MYOCD: variants seen among roughly 807,000 people sequenced by gnomAD.
The protein encoded by MYOCD is myocardin.
A neutral mutation model predicts 96.1 loss-of-function variants in MYOCD; 32 were observed. That is an observed-to-expected ratio of 0.33 (90% CI 0.25 to 0.45). The LOEUF (loss-of-function observed/expected upper bound fraction) is 0.45. MYOCD is among the 20% of genes least tolerant of loss of function. The probability of loss-of-function intolerance (pLI) is 1.00; values close to 1 mark genes in which losing one functional copy is unlikely to be tolerated. For missense variants in MYOCD, 1,133 were observed against 1,200.6 expected, an observed-to-expected ratio of 0.94 and a Z score of 0.83; for synonymous variants, 469 against 469.0, an observed-to-expected ratio of 1.00 and a Z score of 0.00.
intron 5 of MYOCD, among the ~76,000 whole-genome samples, chr17:12,726,277 C>T (rs1234118772): frequency 6.6e-6 from 1 of 152,140 alleles, no homozygotes; most frequent in Admixed American, 6.6e-5. Flanking sequence ...CCTGTCACTA[C>T]TCAACTCTGA....
At chr17:12,711,449 G>A (rs1401525140) in intron 2 of MYOCD, among the ~76,000 whole-genome samples, 3 of 152,144 alleles carry the variant, frequency 2.0e-5, no homozygotes, top group African/African-American at 7.2e-5. Flanking sequence ...TGTCTTCCCT[G>A]TCCACCTAAA....
intron 12 of MYOCD, among the ~76,000 whole-genome samples, chr17:12,759,752 A>G (rs2033118015): frequency 6.6e-6 from 1 of 152,364 alleles, no homozygotes; most frequent in South Asian, 2.1e-4. Flanking sequence ...ATGAGGAACC[A>G]TCAAAATATG....
intron 9 of MYOCD, among the ~76,000 whole-genome samples, chr17:12,749,712 T>TATATATACATATATGTAC (rs1206247983): frequency 7.0e-6 from 1 of 143,192 alleles, no homozygotes; most frequent in Admixed American, 7.1e-5. Flanking sequence ...CATATGTGTA[T>TATATATACATATATGTAC]ATATATGTGT....
chr17:12,720,032 T>C (rs1403141033), intron 4 of MYOCD, among the ~76,000 whole-genome samples: 1 of 152,106 alleles, frequency 6.6e-6, no homozygotes, highest in African/African-American at 2.4e-5. Flanking sequence ...TGTCGTTAGC[T>C]GTACCTGGAA....
chr17:12,676,777 A>G (rs1324241100), intron 1 of MYOCD, among the ~76,000 whole-genome samples: 1 of 152,210 alleles, frequency 6.6e-6, no homozygotes, highest in East Asian at 1.9e-4. Flanking sequence ...ATCTCAATGT[A>G]TATGTGGTAT....
intron 5 of MYOCD, among the ~76,000 whole-genome samples, chr17:12,733,251 A>T (rs2032231693): frequency 6.6e-6 from 1 of 150,676 alleles, no homozygotes; most frequent in Non-Finnish European, 1.5e-5. Flanking sequence ...TGGAGGTTGC[A>T]GTGAGTCGAG....
intron 2 of MYOCD, among the ~76,000 whole-genome samples, chr17:12,714,361 A>ACACACC (rs149778201): frequency 6.8e-4 from 101 of 148,366 alleles, no homozygotes; most frequent in Admixed American, 2.6e-3. Context: ...ACACACACAC[A>ACACACC]CCCCGATCTG....
chr17:12,730,293 A>G (rs2032131214), intron 5 of MYOCD, among the ~76,000 whole-genome samples: 1 of 151,856 alleles, frequency 6.6e-6, no homozygotes, highest in Non-Finnish European at 1.5e-5. Context: ...TACTAAAAAT[A>G]CAAAATTAGC....
At chr17:12,685,592 TTGAGACTG>T (rs2030073836) in intron 1 of MYOCD, among the ~76,000 whole-genome samples, 2 of 139,550 alleles carry the variant, frequency 1.4e-5, no homozygotes, top group South Asian at 2.5e-4. Context: ...GGGAGACAGA[TTGAGACTG>T]GCTTAAAAAA....
Position 12,736,287 on chromosome 17 carries a change from A to G in MYOCD, c.542A>G (p.Asp181Gly). The G allele has an allele frequency of 6.2e-7, 1 of 1,614,246 alleles. No individual in the cohort carries two copies. Among genetic ancestry groups the G allele is most frequent in the South Asian group, 1.1e-5 (1 of 91,088 alleles). The part of the protein sequence containing the change: ...DPQNSAGSPP[D>G]AKASDTPSTG... ...CAAAACTCAGCGGGATCCCCGCCAGACGCTAAAGCCTCAGATACCCCTTCG... is the reference window on the plus strand; with the variant it reads ...CAAAACTCAGCGGGATCCCCGCCAGGCGCTAAAGCCTCAGATACCCCTTCG... Residue 181 changes from aspartate to glycine, a missense_variant, in exon 6 of 14, where the codon GAC becomes GGC. Physicochemically the swap from Asp to Gly is moderately conservative, Grantham distance 94 (BLOSUM62 -1). Transcript: ENST00000425538.
rs1442316302 is a variant in MYOCD at position 12,756,532 on chromosome 17, C to G, written c.2177C>G (p.Pro726Arg). Reference protein sequence around the residue: ...SSHGAGGNPCPKSPCVQQKMA... With the variant: ...SSHGAGGNPCRKSPCVQQKMA... Reference sequence around the variant, plus strand: ...CATGGTGCCGGGGGAAACCCTTGTCCCAAAAGCCCATGTGTACAGCAAAAG... The same window carrying G: ...CATGGTGCCGGGGGAAACCCTTGTCGCAAAAGCCCATGTGTACAGCAAAAG... The change falls in exon 11 of 14, where the codon CCC (proline) becomes CGC (arginine). Residue 726 changes from proline (P) to arginine (R), a missense_variant. By Grantham distance (103) the Pro-to-Arg change is moderately radical. Transcript: ENST00000425538. 1.9e-6 allele frequency: 3 copies of G among 1,551,174 alleles called. No individual in the cohort carries two copies. Among genetic ancestry groups the G allele is most frequent in the Non-Finnish European group, 2.6e-6 (3 of 1,146,926 alleles).
intron 1 of MYOCD, among the ~76,000 whole-genome samples, chr17:12,681,631 C>A (rs563509040): frequency 4.3e-4 from 66 of 152,270 alleles, no homozygotes; most frequent in African/African-American, 1.3e-3. Context: ...GAATTCATAT[C>A]TCTTAATCTC....
intron 1 of MYOCD, among the ~76,000 whole-genome samples, chr17:12,695,191 T>C (rs1369390931): frequency 2.0e-5 from 3 of 152,186 alleles, no homozygotes; most frequent in African/African-American, 7.2e-5. Flanking sequence ...TTCTCACCGT[T>C]CCAGAGGCTG....
At chr17:12,680,630 C>A (rs541459363) in intron 1 of MYOCD, among the ~76,000 whole-genome samples, 13 of 152,336 alleles carry the variant, frequency 8.5e-5, no homozygotes, top group African/African-American at 3.1e-4. Context: ...CTGCTTAATT[C>A]ACTCATGGCT....
At chr17:12,740,739 C>T (rs1447671652) in intron 7 of MYOCD, among the ~76,000 whole-genome samples, 1 of 151,778 alleles carries the variant, frequency 6.6e-6, no homozygotes, top group Non-Finnish European at 1.5e-5. Flanking sequence ...CCTTTGTGTT[C>T]CTTTTTTTTT....
At chr17:12,717,886 C>T (rs1288923773) in intron 4 of MYOCD, among the ~76,000 whole-genome samples, 1 of 152,140 alleles carries the variant, frequency 6.6e-6, no homozygotes, top group Non-Finnish European at 1.5e-5. Context: ...CAAAGTAGGC[C>T]TAGTTCTGCC....
At chr17:12,756,694 TCA>T (rs2033022252) in intron 11 of MYOCD, 137 bp downstream of exon 11, 144 of 98,530 alleles carry the variant, frequency 1.5e-3, no homozygotes, top group South Asian at 2.3e-3. Flanking sequence ...AGACTGCATC[TCA>T]AAAAAAAAAA....
chr17:12,710,741 C>T (rs989447495), intron 2 of MYOCD, among the ~76,000 whole-genome samples: 6 of 152,140 alleles, frequency 3.9e-5, no homozygotes, highest in Admixed American at 1.3e-4. Flanking sequence ...GAGCAGTACA[C>T]GGCGCAAGGG....
intron 1 of MYOCD, among the ~76,000 whole-genome samples, chr17:12,681,296 T>C (rs1361983187): frequency 6.6e-6 from 1 of 152,194 alleles, no homozygotes; most frequent in Non-Finnish European, 1.5e-5. Flanking sequence ...TTGAGGTTTT[T>C]CTTCCCTATT....
Sources: allele counts gnomAD v4.1 joint callset (sites outside exome capture counted in the v4.1 genomes callset), GRCh38; gene constraint gnomAD v4.1.1; transcripts MANE v1.5; gene names NCBI Gene and HGNC (gene_info 2026-07-23, HGNC 2026-07-21).